PBX3: variants seen among roughly 807,000 people sequenced by gnomAD.
PBX3 encodes pre-B-cell leukemia transcription factor 3.
PBX3 carries 14 observed loss-of-function variants against 48.5 expected under a neutral mutation model. That is an observed-to-expected ratio of 0.29 (90% CI 0.19 to 0.45). The LOEUF (loss-of-function observed/expected upper bound fraction) is 0.45. PBX3 is among the 20% of genes least tolerant of loss of function. The pLI, the probability that PBX3 is intolerant of heterozygous loss-of-function variation, is 1.00. For synonymous variants in PBX3, 210 were observed against 200.3 expected, an observed-to-expected ratio of 1.05 and a Z score of -0.41; for missense variants, 386 against 546.7, an observed-to-expected ratio of 0.71 and a Z score of 2.93.
chr9:125,955,234 C>G (rs892351778), intron 5 of PBX3, among the ~76,000 whole-genome samples: 46 of 152,262 alleles, frequency 3.0e-4, no homozygotes, highest in African/African-American at 1.1e-3. Flanking sequence ...TGGGGAGAAC[C>G]TGCGAGCCCC....
Position 125,776,707 on chromosome 9 carries a change from A to AT in PBX3, c.274+28092dup, listed in dbSNP as rs1009464637. On this transcript the variant is annotated intron_variant, in intron 2 of 8. Transcript: ENST00000373489. ...AGGCACATGCCACCATGCCTGGCTA[A>AT]TTTTTTTTGTATTTTTTGTAGAGAC... 3.3e-5 allele frequency among the ~76,000 whole-genome samples: 5 copies of AT among 151,336 alleles called. No individual in the cohort carries two copies. In the South Asian group the frequency reaches 6.3e-4, roughly 19 times the overall value.
At chr9:125,841,229 T>C (rs541761074) in intron 2 of PBX3, among the ~76,000 whole-genome samples, 1 of 152,298 alleles carries the variant, frequency 6.6e-6, no homozygotes, top group South Asian at 2.1e-4. Context: ...ATCTAAATCC[T>C]AAAAAGCCTT....
At chr9:125,762,105 T>C (rs115369881) in intron 2 of PBX3, among the ~76,000 whole-genome samples, 8 of 152,332 alleles carry the variant, frequency 5.3e-5, no homozygotes, top group African/African-American at 1.7e-4. Context: ...AATGTAGAGA[T>C]TCAGAAATGT....
chr9:125,803,718 C>A (rs1178018288), intron 2 of PBX3, among the ~76,000 whole-genome samples: 4 of 152,220 alleles, frequency 2.6e-5, no homozygotes, highest in Non-Finnish European at 5.9e-5. Flanking sequence ...ACTAGTCATA[C>A]TAACTTTGAT....
At chr9:125,871,286 A>G (rs996078000) in intron 2 of PBX3, among the ~76,000 whole-genome samples, 5 of 151,540 alleles carry the variant, frequency 3.3e-5, no homozygotes, top group Admixed American at 6.6e-5. Flanking sequence ...AGTCCCAGCT[A>G]TAGGCTGAGG....
chr9:125,747,735 G>A, intron 1 of PBX3, 82 bp downstream of exon 1: 3 of 1,111,448 alleles, frequency 2.7e-6, no homozygotes, highest in Non-Finnish European at 2.5e-6. Flanking sequence ...GGTGGCGCCC[G>A]GGGCTAGGGC....
In PBX3 at chr9:125,877,198, C is replaced by T. The variant is rs368021130; in HGVS notation, c.275-38488C>T. Reference sequence around the variant, plus strand: ...TGGCATATAGAAGGTTTTAAATAAACATTTGTTGAATGAATGCACATTGAC... The same window carrying T: ...TGGCATATAGAAGGTTTTAAATAAATATTTGTTGAATGAATGCACATTGAC... On this transcript the variant is annotated intron_variant, in intron 2 of 8. Coordinates refer to ENST00000373489, the MANE Select transcript of PBX3 (RefSeq NM_006195.6). 1.3e-4 allele frequency among the ~76,000 whole-genome samples: 20 copies of T among 152,338 alleles called. 1 individual carries two copies. The highest frequency in any genetic ancestry group is 1.2e-3 in the East Asian group (6 of 5,190).
intron 3 of PBX3, among the ~76,000 whole-genome samples, chr9:125,916,750 A>G (rs931679265): frequency 6.6e-6 from 1 of 152,190 alleles, no homozygotes; most frequent in African/African-American, 2.4e-5. Flanking sequence ...GTCTTTTTAC[A>G]TATATTTTAG....
chr9:125,882,449 G>A (rs1419519774), intron 2 of PBX3, among the ~76,000 whole-genome samples: 3 of 152,186 alleles, frequency 2.0e-5, no homozygotes, highest in Non-Finnish European at 4.4e-5. Context: ...TGCTTCTCTG[G>A]TTTTGTAGTT....
At chr9:125,832,834 T>G (rs1175565670) in intron 2 of PBX3, among the ~76,000 whole-genome samples, 2 of 152,218 alleles carry the variant, frequency 1.3e-5, no homozygotes, top group East Asian at 1.9e-4. Context: ...ATCACAGGTC[T>G]TGCTGCTGTT....
intron 2 of PBX3, among the ~76,000 whole-genome samples, chr9:125,872,921 T>C (rs1480043135): frequency 6.6e-6 from 1 of 150,980 alleles, no homozygotes; most frequent in Non-Finnish European, 1.5e-5. Flanking sequence ...GAATTTCGGC[T>C]GGGCGCGGTG....
intron 2 of PBX3, among the ~76,000 whole-genome samples, chr9:125,825,907 G>T (rs1160076039): frequency 6.6e-6 from 1 of 152,138 alleles, no homozygotes; most frequent in Admixed American, 6.6e-5. Flanking sequence ...TTTAGTTTAG[G>T]AATCTTATTT....
intron 2 of PBX3, among the ~76,000 whole-genome samples, chr9:125,784,501 A>T (rs1837409504): frequency 6.6e-6 from 1 of 152,206 alleles, no homozygotes. Flanking sequence ...TGGAAATCAG[A>T]TTCTTCTCAT....
At chr9:125,769,184 C>T (rs1029789732) in intron 2 of PBX3, among the ~76,000 whole-genome samples, 1 of 152,146 alleles carries the variant, frequency 6.6e-6, no homozygotes, top group Non-Finnish European at 1.5e-5. Context: ...ATTTAAGTGC[C>T]TAGTGGTAAA....
chr9:125,889,668 A>G (rs530836188), intron 2 of PBX3, among the ~76,000 whole-genome samples: 4 of 152,110 alleles, frequency 2.6e-5, no homozygotes, highest in South Asian at 2.1e-4. Flanking sequence ...GAGCCCGCAC[A>G]TGACACGGAG....
At chr9:125,912,373 C>CT (rs1199772069) in intron 2 of PBX3, among the ~76,000 whole-genome samples, 1 of 152,076 alleles carries the variant, frequency 6.6e-6, no homozygotes, top group African/African-American at 2.4e-5. Flanking sequence ...TCGGAGAAAG[C>CT]TTTGTAATAA....
intron 2 of PBX3, among the ~76,000 whole-genome samples, chr9:125,890,132 G>A (rs1045368421): frequency 6.6e-6 from 1 of 152,170 alleles, no homozygotes; most frequent in African/African-American, 2.4e-5. Context: ...GATGGTAGAG[G>A]ATGCATTTTC....
chr9:125,876,729 G>T (rs1429812846), intron 2 of PBX3, among the ~76,000 whole-genome samples: 2 of 151,734 alleles, frequency 1.3e-5, no homozygotes, highest in Non-Finnish European at 2.9e-5. Flanking sequence ...TCTAACCCCT[G>T]CGTTAAGGGT....
chr9:125,791,334 T>TCTATCTAC (rs1554855411), intron 2 of PBX3, among the ~76,000 whole-genome samples: 4 of 151,548 alleles, frequency 2.6e-5, no homozygotes, highest in African/African-American at 9.7e-5. Context: ...TATCTATCTA[T>TCTATCTAC]CTATCTATCT....
Sources: gnomAD v4.1 joint callset for allele counts (sites outside exome capture counted in the v4.1 genomes callset) on GRCh38, gnomAD v4.1.1 for gene constraint, MANE v1.5 for transcripts, NCBI Gene and HGNC (gene_info 2026-07-23, HGNC 2026-07-21) for gene names.